NAF1: variants seen among roughly 807,000 people sequenced by gnomAD.
NAF1 encodes the protein nuclear assembly factor 1 ribonucleoprotein.
A neutral mutation model predicts 40.6 loss-of-function variants in NAF1; 11 were observed. The observed-to-expected ratio is 0.27, with a 90% CI of 0.17 to 0.45. The LOEUF is 0.45. NAF1 is among the 20% of genes least tolerant of loss of function. NAF1 has a pLI of 1.00. For missense variants in NAF1, 607 were observed against 611.1 expected (o/e 0.99, Z 0.07); for synonymous variants, 260 against 228.5 (o/e 1.14, Z -1.24).
chr4:163,155,252 T>A (rs1319829531), intron 2 of NAF1, among the ~76,000 whole-genome samples: 2 of 152,244 alleles, frequency 1.3e-5, no homozygotes, highest in African/African-American at 4.8e-5. Flanking sequence ...CTGTATTTAC[T>A]TAATGTCTAT....
intron 4 of NAF1, among the ~76,000 whole-genome samples, chr4:163,140,818 G>A (rs1731232222): frequency 6.6e-6 from 1 of 152,164 alleles, no homozygotes; most frequent in African/African-American, 2.4e-5. Flanking sequence ...ACTTCAATAG[G>A]AGTTAAATCA....
At chr4:163,123,259 T>C (rs1730564978), downstream of NAF1, among the ~76,000 whole-genome samples, 2 of 152,118 alleles carry the variant, frequency 1.3e-5, no homozygotes, top group African/African-American at 4.8e-5. Context: ...AACTCACACA[T>C]TACCATGGGG....
At chr4:163,130,125 A>C (rs772172533) in intron 7 of NAF1, among the ~76,000 whole-genome samples, 4 of 152,056 alleles carry the variant, frequency 2.6e-5, no homozygotes. Flanking sequence ...ATCACAACAA[A>C]CCCAGCTAAA....
chr4:163,163,123 C>A (rs534335205), intron 2 of NAF1, among the ~76,000 whole-genome samples: 1 of 152,112 alleles, frequency 6.6e-6, no homozygotes, highest in South Asian at 2.1e-4. Context: ...CAAGAAAGAC[C>A]AAACAAGTCT....
chr4:163,144,076 A>G lies in NAF1; in HGVS notation c.717+1706T>C, dbSNP rs1218037678. 3.2e-6 allele frequency: 3 copies of G among 927,768 alleles called. No homozygotes were observed. In the Admixed American group the frequency reaches 1.9e-4, roughly 57 times the overall value. 57.5% of individuals were successfully genotyped at this position (927,768 alleles called of 1,614,324 possible). ...ATCACATCCTACCAAACAAGACAGT[A>G]ATATAATCGTTTAAAAAGGAATCAG... On this transcript the variant is annotated intron_variant, in intron 4 of 7. Coordinates refer to ENST00000274054, the MANE Select transcript of NAF1 (RefSeq NM_138386.3).
rs754399129 is a variant in NAF1 at position 163,166,578 on chromosome 4, G to A, written c.150C>T (p.Ser50=). ...TQPPLQSFEG[S]PDAGQTVEVK... ...CCTCCACGGTCTGCCCAGCGTCCGG[G>A]GACCCCTCAAACGACTGTAGCGGCG... is the stretch of plus-strand genomic sequence containing the variant. The change falls in exon 1 of 8, where the codon TCC becomes TCT. Residue 50 remains serine (S), a synonymous_variant. Coordinates refer to ENST00000274054, the MANE Select transcript of NAF1 (RefSeq NM_138386.3). The A allele has an allele frequency of 6.2e-7, 1 of 1,610,090 alleles. No individual in the cohort carries two copies. The highest frequency in any genetic ancestry group is 8.5e-7 in the Non-Finnish European group (1 of 1,178,870).
intron 5 of NAF1, among the ~76,000 whole-genome samples, chr4:163,137,461 G>A (rs560817894): frequency 6.6e-6 from 1 of 152,254 alleles, no homozygotes; most frequent in Non-Finnish European, 1.5e-5. Flanking sequence ...ATTAGGATTA[G>A]GGAACTGGAA....
At chr4:163,154,360 A>T (rs1391163474) in intron 2 of NAF1, among the ~76,000 whole-genome samples, 1 of 152,234 alleles carries the variant, frequency 6.6e-6, no homozygotes, top group Non-Finnish European at 1.5e-5. Context: ...ACTCCACAAA[A>T]CATAAAAGGT....
At chr4:163,142,378 A>G (rs1256252199) in intron 4 of NAF1, among the ~76,000 whole-genome samples, 3 of 152,216 alleles carry the variant, frequency 2.0e-5, no homozygotes, top group African/African-American at 7.2e-5. Context: ...CCTGGTACAC[A>G]GACTGTTTCC....
chr4:163,143,722 T>C (rs1196451642), intron 4 of NAF1, among the ~76,000 whole-genome samples: 1 of 152,196 alleles, frequency 6.6e-6, no homozygotes, highest in African/African-American at 2.4e-5. Context: ...GTCTGCATGC[T>C]GCCACCTGGG....
downstream of NAF1, chr4:163,128,623 T>C (rs1176296039): frequency 1.7e-6 from 1 of 584,618 alleles, no homozygotes; most frequent in Non-Finnish European, 2.2e-6. Context: ...TATATATATA[T>C]AGTTTAACTG....
intron 2 of NAF1, among the ~76,000 whole-genome samples, chr4:163,161,734 C>T (rs1388094048): frequency 6.6e-6 from 1 of 152,146 alleles, no homozygotes; most frequent in African/African-American, 2.4e-5. Flanking sequence ...AAGTATTTCC[C>T]TTTCCCTCTA....
At chr4:163,151,992 A>G (rs573620756) in intron 2 of NAF1, among the ~76,000 whole-genome samples, 2 of 152,318 alleles carry the variant, frequency 1.3e-5, no homozygotes, top group South Asian at 2.1e-4. Flanking sequence ...TTTCTTGTAT[A>G]TTTATTATAC....
At chr4:163,140,011 T>G (rs924330580) in intron 5 of NAF1, among the ~76,000 whole-genome samples, 5 of 152,070 alleles carry the variant, frequency 3.3e-5, no homozygotes, top group Non-Finnish European at 7.4e-5. Context: ...AATGTGCTCT[T>G]AATGGCTGAT....
At chr4:163,139,930 T>C (rs1184380047) in intron 5 of NAF1, among the ~76,000 whole-genome samples, 2 of 152,034 alleles carry the variant, frequency 1.3e-5, no homozygotes, top group South Asian at 2.1e-4. Context: ...AATACTAAAA[T>C]AGTAAGTACA....
chr4:163,160,580 G>C (rs988692846), intron 2 of NAF1, among the ~76,000 whole-genome samples: 1 of 152,156 alleles, frequency 6.6e-6, no homozygotes, highest in Admixed American at 6.5e-5. Flanking sequence ...CCAGAGAGGC[G>C]ACATTCCTGC....
chr4:163,104,754 A>G, the NAF1 span, among the ~76,000 whole-genome samples: 1 of 152,250 alleles, frequency 6.6e-6, no homozygotes. Context: ...AAGAGGTTCC[A>G]TAAGAATCCT....
downstream of NAF1, among the ~76,000 whole-genome samples, chr4:163,106,185 C>T (rs570480540): frequency 2.0e-4 from 31 of 152,032 alleles, no homozygotes; most frequent in African/African-American, 7.5e-4. Context: ...ACCTAGGAGC[C>T]CCAAATATGT....
intron 2 of NAF1, among the ~76,000 whole-genome samples, chr4:163,163,019 A>C (rs2111061232): frequency 6.6e-6 from 1 of 152,310 alleles, no homozygotes; most frequent in South Asian, 2.1e-4. Context: ...TAAGACAATG[A>C]TATGTATGCA....
Sources: allele counts gnomAD v4.1 joint callset (sites outside exome capture counted in the v4.1 genomes callset), GRCh38; gene constraint gnomAD v4.1.1; transcripts MANE v1.5; gene names NCBI Gene and HGNC (gene_info 2026-07-23, HGNC 2026-07-21).